CDH23: variants seen among roughly 807,000 people sequenced by gnomAD.
CDH23 encodes cadherin-23.
In CDH23, 189 loss-of-function variants were observed where a neutral mutation model predicts 317.1. The ratio of observed to expected loss-of-function variants is 0.60; its 90% CI spans 0.53 to 0.67. The LOEUF (loss-of-function observed/expected upper bound fraction) is 0.67, where lower values mean the gene tolerates loss of function less well. Among genes scored for constraint, CDH23 ranks in the 30% least tolerant of loss-of-function variants. The probability of loss-of-function intolerance (pLI) is 0.00; values close to 1 mark genes in which losing one functional copy is unlikely to be tolerated. For synonymous variants in CDH23, 1,839 were observed against 1,876.8 expected (o/e 0.98, Z 0.52); for missense variants, 4,401 against 4,592.4 (o/e 0.96, Z 1.20).
At chr10:71,648,837 C>G (rs960712312) in intron 14 of CDH23, among the ~76,000 whole-genome samples, 13 of 152,166 alleles carry the variant, frequency 8.5e-5, no homozygotes, top group East Asian at 7.7e-4. Flanking sequence ...TCACCCACCC[C>G]CTTCTCAAGC....
At chr10:71,491,527 G>T (rs371889105) in intron 3 of CDH23, among the ~76,000 whole-genome samples, 10 of 152,202 alleles carry the variant, frequency 6.6e-5, no homozygotes, top group African/African-American at 2.4e-4. Flanking sequence ...TTTGGCCAAG[G>T]TGTTTTTGGA....
intron 7 of CDH23, among the ~76,000 whole-genome samples, chr10:71,567,628 A>G (rs1032682768): frequency 2.0e-5 from 3 of 152,248 alleles, no homozygotes; most frequent in African/African-American, 2.4e-5. Flanking sequence ...CCTGACCACC[A>G]TGCCCCATGG....
At chr10:71,512,991 G>C (rs928082340) in intron 6 of CDH23, among the ~76,000 whole-genome samples, 1 of 152,166 alleles carries the variant, frequency 6.6e-6, no homozygotes, top group Non-Finnish European at 1.5e-5. Flanking sequence ...ATGTGTTTGG[G>C]CATGTCACTT....
intron 55 of CDH23, among the ~76,000 whole-genome samples, chr10:71,804,547 G>C (rs1221253935): frequency 2.0e-5 from 3 of 152,164 alleles, no homozygotes; most frequent in Admixed American, 2.0e-4. Flanking sequence ...TCCTCTTTGA[G>C]GTCCTGCGGG....
At chr10:71,739,031 G>C (rs1659939489) in intron 35 of CDH23, among the ~76,000 whole-genome samples, 2 of 152,370 alleles carry the variant, frequency 1.3e-5, no homozygotes, top group Middle Eastern at 3.4e-3. Flanking sequence ...GGACACCCCA[G>C]AGTGCAGAGG....
intron 9 of CDH23, among the ~76,000 whole-genome samples, chr10:71,587,151 A>G (rs1859130004): frequency 6.6e-6 from 1 of 152,256 alleles, no homozygotes; most frequent in African/African-American, 2.4e-5. Context: ...AAACATGCTT[A>G]GGGCCGCATG....
intron 58 of CDH23, 30 bp downstream of exon 58, chr10:71,807,436 T>G: frequency 6.2e-7 from 1 of 1,613,368 alleles, no homozygotes; most frequent in Non-Finnish European, 8.5e-7. Flanking sequence ...GTGCCCTGAT[T>G]ACCCTGGGGC....
rs1839409953 is a variant in CDH23 at position 71,732,103 on chromosome 10, A to C, written c.3832A>C (p.Ser1278Arg). The change falls in exon 32 of 70, where the codon AGC becomes CGC. Residue 1278 changes from serine (S) to arginine (R), a missense_variant. This residue lies in a region of CDH23 where 3,068 missense variants were observed against 3,203.3 expected (regional missense o/e 0.96). Coordinates refer to ENST00000224721, the MANE Select transcript of CDH23 (RefSeq NM_022124.6). ...VNYLDYETKT[S>R]YMMNVSATDQ... ...TTACCTGGACTACGAGACCAAGACCAGCTACATGATGAATGTGTCGGCCAC... is the reference window on the plus strand; with the variant it reads ...TTACCTGGACTACGAGACCAAGACCCGCTACATGATGAATGTGTCGGCCAC... The C allele has an allele frequency of 1.2e-6, 2 of 1,614,024 alleles. No individual in the cohort carries two copies. Among genetic ancestry groups the C allele is most frequent in the Non-Finnish European group, 1.7e-6 (2 of 1,179,888 alleles).
chr10:71,484,037 T>C (rs74148317), intron 3 of CDH23, among the ~76,000 whole-genome samples: 2,848 of 152,246 alleles, frequency 0.019, 86 homozygotes, highest in African/African-American at 0.065. Flanking sequence ...CCTCCCACCA[T>C]TCCACACCTC....
At position 71,797,184 on chromosome 10, in the gene CDH23, A is replaced by C; in HGVS notation, c.6793A>C (p.Ser2265Arg). The C allele has an allele frequency of 6.2e-7, 1 of 1,613,506 alleles. No homozygotes were observed. Among genetic ancestry groups the C allele is most frequent in the Non-Finnish European group, 8.5e-7 (1 of 1,179,660 alleles). ...CACTCTCTCAGTGATTGACAATGCC[A>C]GCGACCTACCAGAGCGCTCTGTCAG... ...EVTLSVIDNASDLPERSVSVP... is the reference protein window; with the variant it reads ...EVTLSVIDNARDLPERSVSVP... The change falls in exon 49 of 70, where the codon AGC becomes CGC. Residue 2265 changes from serine (S) to arginine (R), a missense_variant. Transcript: ENST00000224721.
At chr10:71,605,127 C>A (rs1188709941) in intron 9 of CDH23, among the ~76,000 whole-genome samples, 2 of 152,080 alleles carry the variant, frequency 1.3e-5, no homozygotes, top group Non-Finnish European at 2.9e-5. Context: ...GTAAAATTTA[C>A]CATTTTAAAG....
chr10:71,636,936 C>T lies in CDH23; in HGVS notation c.1135-6925C>T, dbSNP rs1009865603. Among the ~76,000 whole-genome samples the T allele has an allele frequency of 1.1e-4, 17 of 152,050 alleles. 1 individual carries two copies. The highest frequency in any genetic ancestry group is 3.4e-4 in the African/African-American group (14 of 41,406). On this transcript the variant is annotated intron_variant, in intron 11 of 69. Coordinates refer to ENST00000224721, the MANE Select transcript of CDH23 (RefSeq NM_022124.6). ...CCAGGGGTTGAGGTGGAGTCAGAAA[C>T]GGAAGCAGTGTCCTCTGCCAGGCTC... is the stretch of plus-strand genomic sequence containing the variant.
intron 3 of CDH23, among the ~76,000 whole-genome samples, chr10:71,476,922 G>A (rs1851822723): frequency 6.6e-6 from 1 of 152,162 alleles, no homozygotes; most frequent in African/African-American, 2.4e-5. Flanking sequence ...CACTGGAAAT[G>A]TTAGGGCTGT....
intron 1 of CDH23, among the ~76,000 whole-genome samples, chr10:71,437,118 G>C (rs1849657409): frequency 6.6e-6 from 1 of 152,236 alleles, no homozygotes; most frequent in African/African-American, 2.4e-5. Flanking sequence ...CCATTTAAAA[G>C]AGAGATCACT....
At chr10:71,748,439 A>G (rs35177163) in intron 38 of CDH23, 29,091 of 152,296 alleles carry the variant, frequency 0.19, 2,889 homozygotes, top group Non-Finnish European at 0.22. Context: ...AGTGCTGAGC[A>G]GTCCCCGCTG....
intron 6 of CDH23, among the ~76,000 whole-genome samples, chr10:71,547,535 G>C (rs779516924): frequency 1.3e-5 from 2 of 152,252 alleles, no homozygotes; most frequent in African/African-American, 4.8e-5. Context: ...ACTGGAATAG[G>C]GTTGTGGCGA....
At chr10:71,548,809 C>T (rs1437243862) in intron 6 of CDH23, among the ~76,000 whole-genome samples, 1 of 152,242 alleles carries the variant, frequency 6.6e-6, no homozygotes, top group Non-Finnish European at 1.5e-5. Flanking sequence ...AAGCCACTGG[C>T]TTTGCCATAC....
chr10:71,731,990 A>G lies in CDH23; in HGVS notation c.3719A>G (p.Asp1240Gly), dbSNP rs1397792638. The G allele has an allele frequency of 6.2e-7, 1 of 1,613,158 alleles. No homozygotes were observed. The highest frequency in any genetic ancestry group is 8.5e-7 in the Non-Finnish European group (1 of 1,179,440). Residue 1240 changes from aspartate (D) to glycine (G), a missense_variant, in exon 32 of 70, where the codon GAT becomes GGT. Physicochemically the swap from Asp to Gly is moderately conservative, Grantham distance 94. This residue lies in a region of CDH23 where 3,068 missense variants were observed against 3,203.3 expected (regional missense o/e 0.96). Coordinates refer to ENST00000224721, the MANE Select transcript of CDH23 (RefSeq NM_022124.6). ...CAGCCTCTGTGTCCTCCTACAGGGG[A>G]TGGTGGCCTGGTGAACTACCGCATC... The part of the protein sequence containing the change: ...VVQATDRDSG[D>G]GGLVNYRILS...
At chr10:71,500,367 T>C (rs1853222658) in intron 3 of CDH23, among the ~76,000 whole-genome samples, 3 of 152,260 alleles carry the variant, frequency 2.0e-5, no homozygotes, top group Admixed American at 2.0e-4. Flanking sequence ...CTCTGTTTAG[T>C]GCCTCCTTCT....
Sources: gnomAD v4.1 joint callset for allele counts (sites outside exome capture counted in the v4.1 genomes callset) on GRCh38, gnomAD v4.1.1 for gene constraint, gnomAD v4.1.1 regional missense constraint, MANE v1.5 for transcripts, NCBI Gene and HGNC (gene_info 2026-07-23, HGNC 2026-07-21) for gene names.